The following NPAS3 variants were observed in gnomAD, a reference collection of about 807,000 sequenced individuals.
The protein encoded by NPAS3 is neuronal PAS domain protein 3.
A neutral mutation model predicts 73.1 loss-of-function variants in NPAS3; 14 were observed. The observed-to-expected ratio is 0.19, with a 90% CI of 0.13 to 0.30. NPAS3 has a LOEUF of 0.30. Ranked by LOEUF, NPAS3 falls within the 10% of genes least tolerant of loss-of-function variation. The pLI is 1.00. For synonymous variants in NPAS3, 620 were observed against 541.5 expected (o/e 1.14, Z -2.01); for missense variants, 1,096 against 1,250.0 (o/e 0.88, Z 1.86).
intron 4 of NPAS3, among the ~76,000 whole-genome samples, chr14:33,426,215 C>T (rs2048548384): frequency 6.6e-6 from 1 of 152,022 alleles, no homozygotes; most frequent in African/African-American, 2.4e-5. Flanking sequence ...GATTCCACCT[C>T]CATGTTAAGA....
intron 1 of NPAS3, among the ~76,000 whole-genome samples, chr14:32,964,002 A>G (rs187716265): frequency 3.9e-5 from 6 of 152,072 alleles, no homozygotes; most frequent in African/African-American, 1.4e-4. Context: ...TATTCAAAGA[A>G]TAAGTATTTT....
At chr14:33,657,522 C>G (rs7140732) in intron 5 of NPAS3, among the ~76,000 whole-genome samples, 9,806 of 150,510 alleles carry the variant, frequency 0.065, 958 homozygotes, top group African/African-American at 0.22. Context: ...TCCTCTCCAA[C>G]TATGACATTT....
intron 4 of NPAS3, among the ~76,000 whole-genome samples, chr14:33,531,931 C>T (rs1379046092): frequency 2.0e-5 from 3 of 152,146 alleles, no homozygotes; most frequent in African/African-American, 7.2e-5. Context: ...TAGTGATCTT[C>T]TACTGTGCTT....
At chr14:33,699,038 G>A (rs141554896) in intron 6 of NPAS3, among the ~76,000 whole-genome samples, 3 of 152,260 alleles carry the variant, frequency 2.0e-5, no homozygotes, top group African/African-American at 7.2e-5. Context: ...TCTCTGCAGG[G>A]ACACATAGGA....
intron 11 of NPAS3, among the ~76,000 whole-genome samples, chr14:33,798,692 T>C (rs2063585908): frequency 1.3e-5 from 2 of 152,276 alleles, no homozygotes; most frequent in South Asian, 4.1e-4. Context: ...TAAATTGCAT[T>C]AATTTGAAAG....
downstream of NPAS3, chr14:33,801,944 C>T (rs1473323899): frequency 6.6e-6 from 1 of 152,048 alleles, no homozygotes; most frequent in East Asian, 1.9e-4. Context: ...CCCTCATTAA[C>T]GTTTGCTGCA....
chr14:33,327,070 A>G (rs2043741358), intron 3 of NPAS3, among the ~76,000 whole-genome samples: 1 of 152,214 alleles, frequency 6.6e-6, no homozygotes, highest in Admixed American at 6.5e-5. Context: ...GCTGATAGTA[A>G]ATTGATGACA....
chr14:33,705,703 G>A (rs2060639394), intron 6 of NPAS3, among the ~76,000 whole-genome samples: 1 of 152,184 alleles, frequency 6.6e-6, no homozygotes, highest in Admixed American at 6.5e-5. Context: ...CCAGGCTCCT[G>A]TGGGATACAG....
chr14:33,669,954 C>G (rs144646724), intron 5 of NPAS3, among the ~76,000 whole-genome samples: 2 of 152,020 alleles, frequency 1.3e-5, no homozygotes, highest in Non-Finnish European at 2.9e-5. Context: ...TCACTCTTGT[C>G]ACCCAGGCTG....
At chr14:33,285,077 A>G (rs1377419968) in intron 3 of NPAS3, among the ~76,000 whole-genome samples, 1 of 152,190 alleles carries the variant, frequency 6.6e-6, no homozygotes, top group Non-Finnish European at 1.5e-5. Context: ...TGGAGCACTC[A>G]TGTTTCCATT....
intron 1 of NPAS3, among the ~76,000 whole-genome samples, chr14:32,996,366 T>C (rs1432274168): frequency 1.3e-5 from 2 of 152,214 alleles, no homozygotes; most frequent in Non-Finnish European, 1.5e-5. Flanking sequence ...AAATTCAAGC[T>C]GGCTGCAGAA....
chr14:33,519,607 G>T (rs2053468187), intron 4 of NPAS3, among the ~76,000 whole-genome samples: 1 of 152,122 alleles, frequency 6.6e-6, no homozygotes, highest in Admixed American at 6.6e-5. Flanking sequence ...CATATGTAAA[G>T]TGGAAATAAC....
intron 2 of NPAS3, among the ~76,000 whole-genome samples, chr14:33,120,085 C>T (rs115743317): frequency 0.012 from 1,853 of 152,030 alleles, 38 homozygotes; most frequent in African/African-American, 0.042. Context: ...CTCAGCCTCC[C>T]GACTAGCTGG....
At chr14:33,559,380 G>A (rs2055523893) in intron 4 of NPAS3, among the ~76,000 whole-genome samples, 1 of 152,176 alleles carries the variant, frequency 6.6e-6, no homozygotes, top group South Asian at 2.1e-4. Context: ...AATTGTTGAT[G>A]TTCATAGTAG....
In NPAS3 at chr14:33,789,583, CTTT is replaced by C. The variant is rs10567527; in HGVS notation, c.1154-4293_1154-4291del. ...ACTAAAAGTAATTACTAGAGTACAA[CTTT>C]TTTTTTTTTTTTTTTTTTTTGAGAC... On this transcript the variant is annotated intron_variant, in intron 9 of 11. Transcript: ENST00000356141. 5.7e-3 allele frequency among the ~76,000 whole-genome samples: 531 copies of C among 92,386 alleles called. 3 individuals carry two copies. The highest frequency in any genetic ancestry group is 0.021 in the African/African-American group (487 of 23,060). The allele number at this position is 92,386 out of a possible 152,430, so 60.6% of individuals were successfully genotyped here. A position where few individuals can be genotyped will look rare whatever the true frequency, so the allele number is the denominator to read the frequency against.
At chr14:33,180,433 A>G (rs1410050177) in intron 2 of NPAS3, among the ~76,000 whole-genome samples, 3 of 152,190 alleles carry the variant, frequency 2.0e-5, no homozygotes, top group African/African-American at 7.2e-5. Flanking sequence ...CAATGTGGTT[A>G]ATCCTTGTAG....
intron 4 of NPAS3, among the ~76,000 whole-genome samples, chr14:33,510,174 A>G (rs1397406275): frequency 1.3e-5 from 2 of 152,032 alleles, no homozygotes; most frequent in Non-Finnish European, 2.9e-5. Context: ...TCTGCTAATG[A>G]CAGCTGTGGA....
intron 4 of NPAS3, among the ~76,000 whole-genome samples, chr14:33,448,405 G>C (rs566583894): frequency 2.6e-5 from 4 of 152,316 alleles, no homozygotes; most frequent in Non-Finnish European, 5.9e-5. Context: ...GAGTAGTGAA[G>C]ATTGGAAATG....
chr14:33,709,924 C>T (rs902124224), intron 6 of NPAS3, among the ~76,000 whole-genome samples: 4 of 152,316 alleles, frequency 2.6e-5, no homozygotes, highest in South Asian at 4.1e-4. Flanking sequence ...CACAGCCCCA[C>T]GCCCAGCCTG....
Sources: gnomAD v4.1 joint callset for allele counts (sites outside exome capture counted in the v4.1 genomes callset) on GRCh38, gnomAD v4.1.1 for gene constraint, MANE v1.5 for transcripts, NCBI Gene and HGNC (gene_info 2026-07-23, HGNC 2026-07-21) for gene names.